PKD1: variants seen among roughly 807,000 people sequenced by gnomAD.
PKD1 encodes the protein polycystin 1, transient receptor potential channel interacting, also known as polycystin-1.
Under a neutral mutation model 361.7 loss-of-function variants are expected in PKD1, and 81 were observed. The observed-to-expected ratio is 0.22, with a 90% CI of 0.19 to 0.27. The LOEUF (loss-of-function observed/expected upper bound fraction) is 0.27, where lower values mean the gene tolerates loss of function less well. Ranked by LOEUF, PKD1 falls within the 10% of genes least tolerant of loss-of-function variation. The pLI is 1.00. For missense variants in PKD1, 6,399 were observed against 6,118.3 expected, an observed-to-expected ratio of 1.05 and a Z score of -1.53; for synonymous variants, 3,615 against 2,818.3, an observed-to-expected ratio of 1.28 and a Z score of -8.95.
rs553177658 is a variant in PKD1 at position 2,125,947 on chromosome 16, G to A, written c.216-6569C>T. On this transcript the variant is annotated intron_variant, in intron 1 of 45. Transcript: ENST00000262304. ...AACACCATCCCCCAAACACCTCCCC[G>A]GGCAGCCAGCAGGGTCCAGTGTGTC... 2.9e-4 allele frequency among the ~76,000 whole-genome samples: 44 copies of A among 152,100 alleles called. 1 individual carries two copies. The highest frequency in any genetic ancestry group is 1.0e-3 in the African/African-American group (42 of 41,408).
At position 2,111,786 on chromosome 16, in the gene PKD1, G is replaced by A. The variant is rs748082131; in HGVS notation, c.3381C>T (p.Pro1127=). 7.5e-6 allele frequency: 12 copies of A among 1,608,676 alleles called. No homozygotes were observed. The highest frequency in any genetic ancestry group is 9.3e-6 in the Non-Finnish European group (11 of 1,178,994). ...QVPVSVRASL[P]SVAVGVSDGV... ...CGTCACTCACACCCACAGCCACGGAGGGCAGGGAGGCGCGCACGCTCACAG... is the reference window on the plus strand; with the variant it reads ...CGTCACTCACACCCACAGCCACGGAAGGCAGGGAGGCGCGCACGCTCACAG... Residue 1127 remains proline (P), a synonymous_variant, in exon 15 of 46, where the codon CCC becomes CCT. Coordinates refer to ENST00000262304, the MANE Select transcript of PKD1 (RefSeq NM_001009944.3).
chr16:2,120,354 T>A (rs1401679630), intron 1 of PKD1: 1 of 154,430 alleles, frequency 6.5e-6, no homozygotes, highest in East Asian at 1.9e-4. Flanking sequence ...ACTAGCAACT[T>A]ACACGACATA....
Position 2,110,424 on chromosome 16 carries a change from G to C in PKD1, c.4743C>G (p.Ser1581=), listed in dbSNP as rs759544640. 5.6e-6 allele frequency: 9 copies of C among 1,612,488 alleles called. No homozygotes were observed. The African/African-American group carries it at 1.2e-4, about 22-fold the overall frequency. The change falls in exon 15 of 46, where the codon TCC becomes TCG. Residue 1581 remains serine (S), a synonymous_variant. Transcript: ENST00000262304. ...SLEAGSDVRY[S]WVLCDRCTPI... is the part of the protein sequence containing the mutation. ...GCGTGCAGCGGTCACAGAGCACCCA[G>C]GAATAGCGCACATCACTGCCGGCCT...
At chr16:2,098,152 C>A in intron 30 of PKD1, 168 bp from the exon 31 acceptor site, 2 of 609,332 alleles carry the variant, frequency 3.3e-6, no homozygotes, top group Non-Finnish European at 5.9e-6. Context: ...CAGCCCCTCG[C>A]GACGTGTGCC....
In PKD1 at chr16:2,100,687, T is replaced by G. The variant is rs1407597911; in HGVS notation, c.9398-121A>C. 34 of 802,574 alleles carry G rather than the reference T, an allele frequency of 4.2e-5. No homozygotes were observed. The highest frequency in any genetic ancestry group is 6.2e-5 in the Non-Finnish European group (30 of 483,824). 49.7% of individuals were successfully genotyped at this position (802,574 alleles called of 1,614,324 possible). ...AAGGAGCCACACAGGCAGTCCCGGC[T>G]TTGCACGGCTCTGCCATACACAAGG... is the stretch of plus-strand genomic sequence containing the variant. On this transcript the variant is annotated intron_variant, in intron 26 of 45. Coordinates refer to ENST00000262304, the MANE Select transcript of PKD1 (RefSeq NM_001009944.3). The surrounding 1 kb of genome is among the most constrained non-coding windows in gnomAD (Gnocchi z 4.4).
At chr16:2,102,741 G>A (rs1567175338) in intron 24 of PKD1, 73 bp downstream of exon 24, 1 of 1,603,026 alleles carries the variant, frequency 6.2e-7, no homozygotes, top group Non-Finnish European at 8.5e-7. Flanking sequence ...CCGTCCCCAT[G>A]GGGCCAGTAA....
At chr16:2,101,898 G>A (rs2092112438) in intron 26 of PKD1, 163 bp downstream of exon 26, 2 of 647,706 alleles carry the variant, frequency 3.1e-6, no homozygotes, top group Non-Finnish European at 5.6e-6. Flanking sequence ...CAGGGACAGT[G>A]AGTGCTCACG....
chr16:2,090,321 C>T lies in PKD1; in HGVS notation c.12408G>A (p.Arg4136=). The T allele has an allele frequency of 6.2e-7, 1 of 1,611,852 alleles. No homozygotes were observed. The highest frequency in any genetic ancestry group is 8.5e-7 in the Non-Finnish European group (1 of 1,179,390). Residue 4136 remains arginine (R), a synonymous_variant, in exon 45 of 46, where the codon AGG becomes AGA. Coordinates refer to ENST00000262304, the MANE Select transcript of PKD1 (RefSeq NM_001009944.3). Reference sequence around the variant, plus strand: ...TGCTGAGGCCCATCCAGAGGCGCAGCCTGCGCAGGAACAACTCCACCATCT... The same window carrying T: ...TGCTGAGGCCCATCCAGAGGCGCAGTCTGCGCAGGAACAACTCCACCATCT... ...DYEMVELFLR[R]LRLWMGLSKV...
At chr16:2,131,881 G>A (rs958367672) in intron 1 of PKD1, 14 of 152,172 alleles carry the variant, frequency 9.2e-5, no homozygotes, top group African/African-American at 2.9e-4. Flanking sequence ...TGTTCACAAC[G>A]AATTGATCAC....
Position 2,091,153 on chromosome 16 carries a change from C to A in PKD1, c.11734G>T (p.Val3912Leu). The change falls in exon 43 of 46, where the codon GTG becomes TTG. Residue 3912 changes from valine (V) to leucine (L), a missense_variant. Physicochemically the swap from Val to Leu is conservative, Grantham distance 32. Coordinates refer to ENST00000262304, the MANE Select transcript of PKD1 (RefSeq NM_001009944.3). ...CGGGCCTCGGCCACGGCGAAGTGCACGGCGAACAGCAGCAGGCACACCTGT... is the reference window on the plus strand; with the variant it reads ...CGGGCCTCGGCCACGGCGAAGTGCAAGGCGAACAGCAGCAGGCACACCTGT... ...LTSVCLLLFA[V>L]HFAVAEARTW... 4.8e-6 allele frequency: 7 copies of A among 1,452,486 alleles called. No homozygotes were observed. The highest frequency in any genetic ancestry group is 5.4e-6 in the Non-Finnish European group (6 of 1,108,226). The allele number at this position is 1,452,486 out of a possible 1,614,324, so 90.0% of individuals were successfully genotyped here.
In PKD1 at chr16:2,110,137, G is replaced by C; in HGVS notation, c.5030C>G (p.Ala1677Gly). 1 of 1,609,522 alleles carries C rather than the reference G, an allele frequency of 6.2e-7. No individual in the cohort carries two copies. Among genetic ancestry groups the C allele is most frequent in the Non-Finnish European group, 8.5e-7 (1 of 1,179,330 alleles). ...TAWRDRGPAL[A>G]GSGKGFSLTV... The stretch of plus-strand genomic sequence containing the variant: ...GAGCGAGAAGCCTTTGCCGCTGCCG[G>C]CCAGGGCCGGGCCCCTGTCCCTCCA... The change falls in exon 15 of 46, where the codon GCC becomes GGC. Residue 1677 changes from alanine to glycine, a missense_variant. Ala to Gly is a moderately conservative substitution (Grantham distance 60, BLOSUM62 0). Transcript: ENST00000262304.
Position 2,105,963 on chromosome 16 carries a change from G to A in PKD1, c.7765C>T (p.His2589Tyr). The A allele has an allele frequency of 2.5e-6, 4 of 1,600,518 alleles. No individual in the cohort carries two copies. The highest frequency in any genetic ancestry group is 3.4e-6 in the Non-Finnish European group (4 of 1,179,614). The change falls in exon 20 of 46, where the codon CAC becomes TAC. Residue 2589 changes from histidine (H) to tyrosine (Y), a missense_variant. Coordinates refer to ENST00000262304, the MANE Select transcript of PKD1 (RefSeq NM_001009944.3). ...GSATGLTVWL[H>Y]GLTASVLPGL... The stretch of plus-strand genomic sequence containing the variant: ...GGGAGCACACTAGCGGTGAGCCCGT[G>A]CAGCCAGACTGTGAGCCCCGTTGCG...
rs761908925 is a variant in PKD1, at chr16:2,097,741, C to T, written c.10207G>A (p.Asp3403Asn). 22 of 1,611,082 alleles carry T rather than the reference C, an allele frequency of 1.4e-5. 1 individual carries two copies. In the South Asian group the frequency reaches 2.4e-4, roughly 18 times the overall value. The change falls in exon 32 of 46, where the codon GAT becomes AAT. Residue 3403 changes from aspartate to asparagine, a missense_variant. Transcript: ENST00000262304. ...TAGGGAACCCACCTCTTAGAATCAT[C>T]CAGAAACAAGTCACTCTTCATCTGT... ...VGQMKSDLFL[D>N]DSKSLVCWPS...
rs1596560489 is a variant in PKD1 at position 2,111,086 on chromosome 16, G to C, written c.4081C>G (p.Leu1361Val). Residue 1361 changes from leucine (L) to valine (V), a missense_variant, in exon 15 of 46, where the codon CTG becomes GTG. Leu to Val is a conservative substitution (Grantham distance 32). Coordinates refer to ENST00000262304, the MANE Select transcript of PKD1 (RefSeq NM_001009944.3). ...RSGTFPLALVLSSRVNRAHYF... is the reference protein window; with the variant it reads ...RSGTFPLALVVSSRVNRAHYF... ...TGCGCCCTGTTCACGCGGCTGGACAGCACCAGCGCCAGGGGGAACGTGCCG... is the reference window on the plus strand; with the variant it reads ...TGCGCCCTGTTCACGCGGCTGGACACCACCAGCGCCAGGGGGAACGTGCCG... The C allele has an allele frequency of 4.3e-6, 7 of 1,610,528 alleles. No homozygotes were observed. Among genetic ancestry groups the C allele is most frequent in the South Asian group, 1.1e-5 (1 of 90,994 alleles).
intron 1 of PKD1, chr16:2,133,032 A>C (rs1178290456): frequency 2.8e-5 from 4 of 145,068 alleles, no homozygotes; most frequent in Non-Finnish European, 1.5e-5. Flanking sequence ...CCATGAGCCG[A>C]GATCGTGCCA....
chr16:2,126,201 C>A (rs1460100591), intron 1 of PKD1, among the ~76,000 whole-genome samples: 2 of 152,252 alleles, frequency 1.3e-5, no homozygotes, highest in African/African-American at 4.8e-5. Context: ...GAACCCGGAG[C>A]CCCTGTACTC....
rs765573637 is a variant in PKD1 at position 2,091,511 on chromosome 16, G to A, written c.11624C>T (p.Ala3875Val). 3 of 1,448,032 alleles carry A rather than the reference G, an allele frequency of 2.1e-6. No homozygotes were observed. The highest frequency in any genetic ancestry group is 1.4e-5 in the South Asian group (1 of 74,002). 89.7% of individuals were successfully genotyped at this position (1,448,032 alleles called of 1,614,324 possible). ...AAVTLRLEFP[A>V]AGRALAALSV... ...GAGGGCGGCCAGGGCGCGGCCGGCC[G>A]CCGGGAACTCGAGGCGCAGCGTGAC... Residue 3875 changes from alanine to valine, a missense_variant, in exon 42 of 46, where the codon GCG becomes GTG. Transcript: ENST00000262304.
chr16:2,090,205 C>A lies in PKD1; in HGVS notation c.12445-11G>T. The A allele has an allele frequency of 6.2e-7, 1 of 1,607,290 alleles. No individual in the cohort carries two copies. Among genetic ancestry groups the A allele is most frequent in the East Asian group, 2.2e-5 (1 of 44,768 alleles). ...GACTTTGTGGCGGAACTGGGGGCGG[C>A]ACAGGGGCTCAGTCAGTCCGGCTGC... On this transcript the variant is annotated splice_polypyrimidine_tract_variant and intron_variant, in intron 45 of 45. Transcript: ENST00000262304.
Position 2,108,044 on chromosome 16 carries a change from G to T in PKD1, c.6916-12C>A. The stretch of plus-strand genomic sequence containing the variant: ...CCGCCAGCCTCCCTCTGCAGGCCGA[G>T]AACAAGGGGCGACGTGGCCTGAGAG... On this transcript the variant is annotated splice_polypyrimidine_tract_variant and intron_variant, in intron 15 of 45. Coordinates refer to ENST00000262304, the MANE Select transcript of PKD1 (RefSeq NM_001009944.3). 1.3e-6 allele frequency: 2 copies of T among 1,566,272 alleles called. No individual in the cohort carries two copies. The highest frequency in any genetic ancestry group is 1.7e-6 in the Non-Finnish European group (2 of 1,157,742).
Sources: allele counts gnomAD v4.1 joint callset (sites outside exome capture counted in the v4.1 genomes callset), GRCh38; gene constraint gnomAD v4.1.1; non-coding constraint Gnocchi (gnomAD v3.1); transcripts MANE v1.5; gene names NCBI Gene and HGNC (gene_info 2026-07-23, HGNC 2026-07-21).